GRM1: variants seen among roughly 807,000 people sequenced by gnomAD.
The protein encoded by GRM1 is glutamate metabotropic receptor 1.
GRM1 carries 33 observed loss-of-function variants against 90.9 expected under a neutral mutation model. That is an observed-to-expected ratio of 0.36 (90% CI 0.28 to 0.49). The LOEUF is 0.49. GRM1 is among the 20% of genes least tolerant of loss of function. The probability of loss-of-function intolerance (pLI) is 0.99; values close to 1 mark genes in which losing one functional copy is unlikely to be tolerated. For synonymous variants in GRM1, 700 were observed against 613.2 expected (o/e 1.14, Z -2.09); for missense variants, 1,190 against 1,534.3 (o/e 0.78, Z 3.75).
chr6:146,207,266 C>G (rs1779526989), intron 2 of GRM1, among the ~76,000 whole-genome samples: 1 of 152,124 alleles, frequency 6.6e-6, no homozygotes, highest in African/African-American at 2.4e-5. Context: ...AATTAATTTA[C>G]ACTCCCACCA....
intron 3 of GRM1, among the ~76,000 whole-genome samples, chr6:146,306,314 A>C (rs913519485): frequency 6.6e-5 from 10 of 152,142 alleles, no homozygotes; most frequent in African/African-American, 1.9e-4. Flanking sequence ...TGAACCAATA[A>C]ATCATCCAAG....
At chr6:146,360,860 T>C (rs362904) in intron 5 of GRM1, among the ~76,000 whole-genome samples, 29,735 of 151,988 alleles carry the variant, frequency 0.2, 3,827 homozygotes, top group African/African-American at 0.37. Context: ...TATGGAAGGA[T>C]GGGGAAAAGC....
chr6:146,297,550 A>G (rs1783222547), intron 2 of GRM1, among the ~76,000 whole-genome samples: 1 of 152,194 alleles, frequency 6.6e-6, no homozygotes, highest in Admixed American at 6.6e-5. Context: ...TTAGCAATTC[A>G]TAGAACTATT....
chr6:146,430,031 T>G (rs1778353009), intron 7 of GRM1, among the ~76,000 whole-genome samples: 1 of 152,170 alleles, frequency 6.6e-6, no homozygotes, highest in African/African-American at 2.4e-5. Context: ...ACCCACCCAC[T>G]GTTATTCCCA....
intron 5 of GRM1, among the ~76,000 whole-genome samples, chr6:146,383,140 T>A (rs2115132330): frequency 6.6e-6 from 1 of 152,284 alleles, no homozygotes; most frequent in Admixed American, 6.5e-5. Flanking sequence ...AGAAAGAGGA[T>A]TAAAAAACTA....
At chr6:146,430,066 A>T (rs1418027891) in intron 7 of GRM1, among the ~76,000 whole-genome samples, 1 of 152,202 alleles carries the variant, frequency 6.6e-6, no homozygotes, top group South Asian at 2.1e-4. Flanking sequence ...GGATCAGAGA[A>T]CAGTGTACTC....
intron 2 of GRM1, among the ~76,000 whole-genome samples, chr6:146,291,018 G>A (rs779191081): frequency 3.9e-5 from 6 of 152,144 alleles, no homozygotes; most frequent in Non-Finnish European, 8.8e-5. Flanking sequence ...TCCCGGACCT[G>A]TGACTATGTT....
chr6:146,352,118 T>C lies in GRM1; in HGVS notation c.1187-132T>C, dbSNP rs372680683. Reference sequence around the variant, plus strand: ...GCCACAAGTACAAAGCTTGCACAGGTGGGCGTGGCTTCTGCCAGTGTCATT... The same window carrying C: ...GCCACAAGTACAAAGCTTGCACAGGCGGGCGTGGCTTCTGCCAGTGTCATT... On this transcript the variant is annotated intron_variant, in intron 3 of 7. Transcript: ENST00000282753. The C allele has an allele frequency of 1.6e-5, 13 of 825,306 alleles. No individual in the cohort carries two copies. In the African/African-American group the frequency reaches 1.7e-4, roughly 11 times the overall value. 51.1% of individuals were successfully genotyped at this position (825,306 alleles called of 1,614,324 possible). A position where few individuals can be genotyped will look rare whatever the true frequency, so the allele number is the denominator to read the frequency against.
intron 2 of GRM1, among the ~76,000 whole-genome samples, chr6:146,196,463 ATTT>A (rs772811053): frequency 2.3e-5 from 2 of 85,988 alleles, no homozygotes; most frequent in African/African-American, 4.5e-5. Flanking sequence ...AATTTTTTGT[ATTT>A]TTTTTTTTTT....
intron 1 of GRM1, among the ~76,000 whole-genome samples, chr6:146,107,066 T>G (rs1432445431): frequency 1.3e-5 from 2 of 152,226 alleles, no homozygotes; most frequent in African/African-American, 4.8e-5. Flanking sequence ...TTTAGTCCAG[T>G]AGGTTGAATT....
At chr6:146,330,608 C>T (rs1249870113) in intron 3 of GRM1, among the ~76,000 whole-genome samples, 3 of 152,146 alleles carry the variant, frequency 2.0e-5, no homozygotes, top group Non-Finnish European at 4.4e-5. Context: ...CCCTTATCTT[C>T]TCTTAATTCT....
chr6:146,360,091 G>A (rs1005123797), intron 5 of GRM1, among the ~76,000 whole-genome samples: 3 of 152,184 alleles, frequency 2.0e-5, no homozygotes, highest in African/African-American at 7.2e-5. Context: ...AGTAGCCACT[G>A]TCAAGATATA....
intron 3 of GRM1, among the ~76,000 whole-genome samples, chr6:146,334,510 T>C (rs544995456): frequency 2.0e-5 from 3 of 152,340 alleles, no homozygotes; most frequent in South Asian, 4.1e-4. Context: ...ACAAACACCA[T>C]GTACATTTCC....
chr6:146,407,610 T>C (rs1281947529), intron 7 of GRM1, among the ~76,000 whole-genome samples: 1 of 152,212 alleles, frequency 6.6e-6, no homozygotes, highest in Non-Finnish European at 1.5e-5. Context: ...TATTCCCAGA[T>C]AATTATGTGT....
intron 5 of GRM1, among the ~76,000 whole-genome samples, chr6:146,360,331 T>C (rs1775421261): frequency 6.6e-6 from 1 of 152,048 alleles, no homozygotes. Context: ...AAATATATCT[T>C]ATAAATATAA....
chr6:146,131,542 C>T (rs925109703), intron 1 of GRM1, among the ~76,000 whole-genome samples: 24 of 151,734 alleles, frequency 1.6e-4, no homozygotes, highest in African/African-American at 5.1e-4. Context: ...AAAATACACA[C>T]ATACACACTG....
chr6:146,262,138 A>C (rs970173000), intron 2 of GRM1, among the ~76,000 whole-genome samples: 6 of 151,912 alleles, frequency 3.9e-5, no homozygotes, highest in Non-Finnish European at 8.8e-5. Flanking sequence ...AGCTAGCTTC[A>C]GGTTTTTATG....
chr6:146,231,089 C>A (rs2114703657), intron 2 of GRM1, among the ~76,000 whole-genome samples: 1 of 152,200 alleles, frequency 6.6e-6, no homozygotes, highest in Middle Eastern at 3.4e-3. Flanking sequence ...GGATACATGT[C>A]ATTAAACATT....
intron 1 of GRM1, among the ~76,000 whole-genome samples, chr6:146,087,103 C>T (rs1466227055): frequency 6.6e-6 from 1 of 152,042 alleles, no homozygotes; most frequent in Non-Finnish European, 1.5e-5. Flanking sequence ...TTCTTTCTGT[C>T]CAATCTCAGA....
Sources: allele counts gnomAD v4.1 joint callset (sites outside exome capture counted in the v4.1 genomes callset), GRCh38; gene constraint gnomAD v4.1.1; transcripts MANE v1.5; gene names NCBI Gene and HGNC (gene_info 2026-07-23, HGNC 2026-07-21).